The following SDK1 variants were observed in gnomAD, a reference collection of about 807,000 sequenced individuals.
The protein encoded by SDK1 is sidekick cell adhesion molecule 1.
A neutral mutation model predicts 245.5 loss-of-function variants in SDK1; 157 were observed. The observed-to-expected ratio is 0.64, with a 90% CI of 0.56 to 0.73. The LOEUF (loss-of-function observed/expected upper bound fraction) is 0.73. SDK1 is among the 30% of genes least tolerant of loss of function. The pLI is 0.00. For missense variants in SDK1, 3,583 were observed against 3,002.3 expected (o/e 1.19, Z -4.52); for synonymous variants, 1,647 against 1,278.5 (o/e 1.29, Z -6.15).
intron 4 of SDK1, among the ~76,000 whole-genome samples, chr7:3,687,511 A>G (rs1274235742): frequency 1.3e-5 from 2 of 152,306 alleles, no homozygotes; most frequent in African/African-American, 2.4e-5. Flanking sequence ...ACCGCAGTCC[A>G]TCTGTAATGT....
chr7:3,318,495 C>T (rs559302531), intron 1 of SDK1, among the ~76,000 whole-genome samples: 1 of 152,316 alleles, frequency 6.6e-6, no homozygotes, highest in South Asian at 2.1e-4. Flanking sequence ...TATTATTGTA[C>T]TCATTAATTT....
chr7:3,466,995 C>CT (rs1343876447), intron 1 of SDK1, among the ~76,000 whole-genome samples: 15 of 141,464 alleles, frequency 1.1e-4, no homozygotes, highest in East Asian at 3.9e-4. Context: ...CACACACACA[C>CT]ACACACACAC....
intron 9 of SDK1, among the ~76,000 whole-genome samples, chr7:3,965,332 A>G (rs1025747150): frequency 6.6e-6 from 1 of 152,142 alleles, no homozygotes; most frequent in African/African-American, 2.4e-5. Flanking sequence ...CTCATCCATT[A>G]AAATGGAGCT....
chr7:3,969,485 G>C, intron 11 of SDK1, 61 bp downstream of exon 11: 1 of 1,346,206 alleles, frequency 7.4e-7, no homozygotes, highest in Non-Finnish European at 9.9e-7. Flanking sequence ...TCACGTCATC[G>C]TGTGCTTTGG....
chr7:4,012,159 A>C lies in SDK1; in HGVS notation c.2344A>C (p.Asn782His). 1 of 1,580,252 alleles carries C rather than the reference A, an allele frequency of 6.3e-7. No individual in the cohort carries two copies. The highest frequency in any genetic ancestry group is 8.6e-7 in the Non-Finnish European group (1 of 1,163,218). ...AAATATAGTGGCCAGTGGGCGGACT[A>C]ATCAGTCCATTATGGTCCAGTGGCA... ...PKNIVASGRTNQSIMVQWQPP... is the reference protein window; with the variant it reads ...PKNIVASGRTHQSIMVQWQPP... Residue 782 changes from asparagine to histidine, a missense_variant, in exon 16 of 45, where the codon AAT becomes CAT. Coordinates refer to ENST00000404826, the MANE Select transcript of SDK1 (RefSeq NM_152744.4).
At chr7:3,723,850 A>T (rs375774703) in intron 4 of SDK1, among the ~76,000 whole-genome samples, 3 of 129,026 alleles carry the variant, frequency 2.3e-5, no homozygotes, top group African/African-American at 3.3e-5. Flanking sequence ...ATACACGTAC[A>T]TATACATATA....
At chr7:4,070,945 C>T (rs1780219425) in intron 20 of SDK1, among the ~76,000 whole-genome samples, 1 of 151,754 alleles carries the variant, frequency 6.6e-6, no homozygotes, top group African/African-American at 2.4e-5. Context: ...CTCCTGACCT[C>T]GTGATCCACC....
chr7:4,248,511 C>T (rs933719807), intron 44 of SDK1, among the ~76,000 whole-genome samples: 3 of 151,874 alleles, frequency 2.0e-5, no homozygotes, highest in Non-Finnish European at 2.9e-5. Context: ...CCTAAATACA[C>T]ATATGCACAC....
intron 5 of SDK1, among the ~76,000 whole-genome samples, chr7:3,948,203 A>C (rs1040980979): frequency 6.6e-6 from 1 of 150,816 alleles, no homozygotes; most frequent in African/African-American, 2.4e-5. Flanking sequence ...GGTGGTTTCC[A>C]TAAGTCAGAT....
At chr7:3,562,337 G>A (rs1779775169) in intron 1 of SDK1, among the ~76,000 whole-genome samples, 1 of 152,076 alleles carries the variant, frequency 6.6e-6, no homozygotes, top group South Asian at 2.1e-4. Flanking sequence ...AAAGTACTTT[G>A]GCCTTTTCTT....
chr7:3,663,221 C>G (rs540821471), intron 4 of SDK1, among the ~76,000 whole-genome samples: 3 of 152,098 alleles, frequency 2.0e-5, no homozygotes, highest in Non-Finnish European at 2.9e-5. Context: ...AATTGTGATA[C>G]TTACTTTTAG....
intron 4 of SDK1, among the ~76,000 whole-genome samples, chr7:3,784,057 T>C (rs1196449771): frequency 1.3e-5 from 2 of 151,478 alleles, no homozygotes; most frequent in Non-Finnish European, 2.9e-5. Flanking sequence ...ATGATTTAAA[T>C]TTATTTTCTT....
intron 13 of SDK1, among the ~76,000 whole-genome samples, chr7:3,978,087 G>T (rs1783111060): frequency 6.6e-6 from 1 of 151,920 alleles, no homozygotes; most frequent in East Asian, 2.0e-4. Context: ...TCAGACAGAG[G>T]ATTTTTTTTT....
At chr7:3,573,009 G>A (rs1370348871) in intron 1 of SDK1, among the ~76,000 whole-genome samples, 1 of 152,042 alleles carries the variant, frequency 6.6e-6, no homozygotes, top group Non-Finnish European at 1.5e-5. Context: ...CCAAAAGTGA[G>A]GGACAGTGCC....
At chr7:3,576,345 C>T (rs1056273526) in intron 1 of SDK1, among the ~76,000 whole-genome samples, 5 of 152,084 alleles carry the variant, frequency 3.3e-5, no homozygotes, top group African/African-American at 1.2e-4. Flanking sequence ...TTCTGTGTGA[C>T]TCTGAGCTAG....
chr7:3,566,324 A>G (rs1779916125), intron 1 of SDK1, among the ~76,000 whole-genome samples: 1 of 146,328 alleles, frequency 6.8e-6, no homozygotes, highest in African/African-American at 2.5e-5. Flanking sequence ...TCCCAGGTTC[A>G]CGCCATTCTC....
At position 4,049,344 on chromosome 7, in the gene SDK1, A is replaced by C; in HGVS notation, c.2603-4A>C. 6.2e-7 allele frequency: 1 copy of C among 1,613,002 alleles called. No homozygotes were observed. On this transcript the variant is annotated splice_region_variant and splice_polypyrimidine_tract_variant and intron_variant, in intron 17 of 44. Coordinates refer to ENST00000404826, the MANE Select transcript of SDK1 (RefSeq NM_152744.4). ...TGCTGTCATCAATGACTGCCCTGCC[A>C]CAGTGCCCACCGCGCCCCCGCAGAA...
chr7:4,266,367 G>GC lies in SDK1; in HGVS notation c.*984dup, dbSNP rs1788468771. 1 of 985,388 alleles carries GC rather than the reference G, an allele frequency of 1.0e-6. No individual in the cohort carries two copies. The allele number at this position is 985,388 out of a possible 1,614,324, so 61.0% of individuals were successfully genotyped here. Reference sequence around the variant, plus strand: ...GCTTTGTACATGGGAAAGATGAAAAGCAACAGTGTCTGCAAATAAAGCAAA... The same window carrying GC: ...GCTTTGTACATGGGAAAGATGAAAAGCCAACAGTGTCTGCAAATAAAGCAAA... On this transcript the variant is annotated 3_prime_UTR_variant, in exon 45 of 45. Transcript: ENST00000404826.
At chr7:3,988,556 G>A (rs1784052807) in intron 14 of SDK1, among the ~76,000 whole-genome samples, 2 of 152,090 alleles carry the variant, frequency 1.3e-5, no homozygotes, top group Non-Finnish European at 2.9e-5. Context: ...GTCACCCTGG[G>A]CTACTGTGCT....
Sources: gnomAD v4.1 joint callset for allele counts (sites outside exome capture counted in the v4.1 genomes callset) on GRCh38, gnomAD v4.1.1 for gene constraint, MANE v1.5 for transcripts, NCBI Gene and HGNC (gene_info 2026-07-23, HGNC 2026-07-21) for gene names.